Variants in DAB1 observed in about 807,000 individuals in gnomAD.
DAB1 encodes DAB adaptor protein 1.
DAB1 carries 15 observed loss-of-function variants against 64.6 expected under a neutral mutation model. That is an observed-to-expected ratio of 0.23 (90% confidence interval 0.16 to 0.36). DAB1 has a LOEUF of 0.36. Among genes scored for constraint, DAB1 ranks in the 10% least tolerant of loss-of-function variants. The pLI is 1.00. For missense variants in DAB1, 596 were observed against 706.7 expected (o/e 0.84, Z 1.78); for synonymous variants, 235 against 251.9 (o/e 0.93, Z 0.64).
At chr1:58,357,738 G>A (rs1644124763) in intron 3 of DAB1, among the ~76,000 whole-genome samples, 1 of 152,142 alleles carries the variant, frequency 6.6e-6, no homozygotes, top group East Asian at 1.9e-4. Flanking sequence ...CAAGCTGGTA[G>A]GTAATGCAGG....
At chr1:58,107,303 CAAAA>C (rs960763989) in intron 5 of DAB1, among the ~76,000 whole-genome samples, 1 of 70,900 alleles carries the variant, frequency 1.4e-5, no homozygotes, top group Non-Finnish European at 3.2e-5. Flanking sequence ...ACTAAAAATA[CAAAA>C]AAAAAAAAAA....
intron 4 of DAB1, among the ~76,000 whole-genome samples, chr1:58,277,282 C>T (rs1358688198): frequency 2.0e-5 from 3 of 152,062 alleles, no homozygotes; most frequent in South Asian, 2.1e-4. Flanking sequence ...TTAGGTGATC[C>T]GCCCACCTCA....
intron 7 of DAB1, among the ~76,000 whole-genome samples, chr1:57,518,949 TACA>T (rs1182636117): frequency 6.6e-6 from 1 of 152,186 alleles, no homozygotes; most frequent in African/African-American, 2.4e-5. Flanking sequence ...GAAGAGTGGC[TACA>T]ACATCTGACT....
chr1:57,040,061 T>C (rs1299576487), intron 9 of DAB1, among the ~76,000 whole-genome samples: 2 of 152,210 alleles, frequency 1.3e-5, no homozygotes, highest in African/African-American at 4.8e-5. Flanking sequence ...GTTGGTGTTA[T>C]CAGTGAGATA....
At chr1:57,505,917 C>T (rs1170598354) in intron 7 of DAB1, among the ~76,000 whole-genome samples, 4 of 152,144 alleles carry the variant, frequency 2.6e-5, no homozygotes, top group African/African-American at 4.8e-5. Flanking sequence ...CAATCTGCCC[C>T]GCCTCAGCCT....
chr1:58,482,686 C>A (rs1002659917), intron 3 of DAB1, among the ~76,000 whole-genome samples: 1 of 151,904 alleles, frequency 6.6e-6, no homozygotes, highest in East Asian at 1.9e-4. Context: ...CTTTGGGGGT[C>A]AAGAGGGGGA....
intron 5 of DAB1, among the ~76,000 whole-genome samples, chr1:57,891,303 A>G (rs547363487): frequency 1.3e-5 from 2 of 152,334 alleles, no homozygotes; most frequent in South Asian, 2.1e-4. Context: ...TCAAACCACA[A>G]TGAGATACCA....
chr1:57,528,605 A>G (rs542794218), intron 7 of DAB1, among the ~76,000 whole-genome samples: 1 of 151,314 alleles, frequency 6.6e-6, no homozygotes, highest in Non-Finnish European at 1.5e-5. Flanking sequence ...ATTCCTAAAA[A>G]TCCAGGTAAT....
At chr1:58,323,540 C>A (rs1662743735) in intron 4 of DAB1, among the ~76,000 whole-genome samples, 1 of 152,098 alleles carries the variant, frequency 6.6e-6, no homozygotes, top group African/African-American at 2.4e-5. Context: ...TTTTGAATAG[C>A]CTTTCTCATT....
At chr1:58,172,188 T>C (rs994791221) in intron 4 of DAB1, among the ~76,000 whole-genome samples, 1 of 152,208 alleles carries the variant, frequency 6.6e-6, no homozygotes, top group Non-Finnish European at 1.5e-5. Flanking sequence ...CCTCCAGCTT[T>C]AAGCCTTCCC....
intron 4 of DAB1, among the ~76,000 whole-genome samples, chr1:57,122,226 T>G (rs986768661): frequency 4.6e-5 from 7 of 152,222 alleles, no homozygotes; most frequent in African/African-American, 1.7e-4. Context: ...TGCTAGATTA[T>G]GAAGCCTGTG....
At chr1:57,527,837 C>T (rs143755219) in intron 7 of DAB1, among the ~76,000 whole-genome samples, 48 of 152,232 alleles carry the variant, frequency 3.2e-4, no homozygotes, top group African/African-American at 1.0e-3. Flanking sequence ...TTCGTGCTGA[C>T]ATTTCAGGTT....
chr1:58,372,217 G>T (rs371994132), intron 3 of DAB1, among the ~76,000 whole-genome samples: 129 of 152,346 alleles, frequency 8.5e-4, no homozygotes, highest in Middle Eastern at 3.4e-3. Context: ...CAAGGCCTAG[G>T]GAGCCCACCC....
chr1:57,513,828 T>C (rs1203933867), intron 7 of DAB1, among the ~76,000 whole-genome samples: 1 of 152,208 alleles, frequency 6.6e-6, no homozygotes, highest in Non-Finnish European at 1.5e-5. Flanking sequence ...CTTTGACCAA[T>C]ATCTCTCCAA....
intron 7 of DAB1, among the ~76,000 whole-genome samples, chr1:57,515,832 C>A (rs906649604): frequency 1.3e-5 from 2 of 152,200 alleles, no homozygotes; most frequent in Non-Finnish European, 2.9e-5. Context: ...CCTAACAGGT[C>A]TTCATGCTAA....
At chr1:57,562,295 C>T (rs1357494440) in intron 7 of DAB1, among the ~76,000 whole-genome samples, 1 of 152,164 alleles carries the variant, frequency 6.6e-6, no homozygotes, top group Non-Finnish European at 1.5e-5. Context: ...ATCGCTTGGA[C>T]CAGGGAGACA....
At chr1:58,298,579 G>C (rs1475468289) in intron 4 of DAB1, among the ~76,000 whole-genome samples, 1 of 152,244 alleles carries the variant, frequency 6.6e-6, no homozygotes, top group Admixed American at 6.5e-5. Context: ...CCAGACTGGA[G>C]CTGCAGGTGC....
chr1:57,297,446 T>C (rs1176464442), intron 1 of DAB1, among the ~76,000 whole-genome samples: 2 of 152,114 alleles, frequency 1.3e-5, no homozygotes, highest in Non-Finnish European at 2.9e-5. Context: ...GGCCAAGATA[T>C]GTGCACCTTA....
intron 2 of DAB1, among the ~76,000 whole-genome samples, chr1:57,197,087 A>G (rs191716734): frequency 7.9e-5 from 12 of 152,264 alleles, no homozygotes; most frequent in Admixed American, 3.3e-4. Context: ...TGTAATCCCA[A>G]CACTTTGGGA....
Sources: allele counts gnomAD v4.1 joint callset (sites outside exome capture counted in the v4.1 genomes callset), GRCh38; gene constraint gnomAD v4.1.1; transcripts MANE v1.5; gene names NCBI Gene and HGNC (gene_info 2026-07-23, HGNC 2026-07-21).